The following CERT1 variants were observed in gnomAD, a reference collection of about 807,000 sequenced individuals.
CERT1 encodes ceramide transporter 1.
A neutral mutation model predicts 87.9 loss-of-function variants in CERT1; 31 were observed. That is an observed-to-expected ratio of 0.35 (90% CI 0.27 to 0.48). The LOEUF (loss-of-function observed/expected upper bound fraction) is 0.48, where lower values mean the gene tolerates loss of function less well. Ranked by LOEUF, CERT1 falls within the 20% of genes least tolerant of loss-of-function variation. CERT1 has a pLI of 0.99. For missense variants in CERT1, 487 were observed against 758.0 expected (o/e 0.64, Z 4.20); for synonymous variants, 289 against 250.9 (o/e 1.15, Z -1.44).
chr5:75,429,200 T>TAATAATA (rs35257866), intron 3 of CERT1, among the ~76,000 whole-genome samples: 69 of 127,168 alleles, frequency 5.4e-4, no homozygotes, highest in African/African-American at 1.9e-3. Flanking sequence ...TAATAATAAT[T>TAATAATA]ATTATTATTA....
chr5:75,370,312 C>A (rs1761035548), intron 17 of CERT1: 1 of 152,162 alleles, frequency 6.6e-6, no homozygotes, highest in African/African-American at 2.4e-5. Context: ...CCACACTTCC[C>A]ATTTCATGGT....
At chr5:75,394,170 G>C (rs1022989975) in intron 11 of CERT1, among the ~76,000 whole-genome samples, 1 of 152,130 alleles carries the variant, frequency 6.6e-6, no homozygotes, top group Non-Finnish European at 1.5e-5. Context: ...AAACTGGCCT[G>C]GGAATGTAAG....
At chr5:75,402,263 G>A (rs1241200279) in intron 9 of CERT1, 1 of 152,114 alleles carries the variant, frequency 6.6e-6, no homozygotes, top group Non-Finnish European at 1.5e-5. Context: ...AAAACCTTAA[G>A]TTTTTGGTCA....
chr5:75,420,413 G>A (rs1365847549), intron 5 of CERT1, among the ~76,000 whole-genome samples: 71 of 148,244 alleles, frequency 4.8e-4, no homozygotes, highest in African/African-American at 1.7e-3. Flanking sequence ...GCGCGATCTC[G>A]GCTCACTGCA....
upstream of CERT1, chr5:75,511,850 GA>G: frequency 6.5e-7 from 1 of 1,544,278 alleles, no homozygotes; most frequent in South Asian, 1.2e-5. Context: ...TGCATTCTGG[GA>G]AGGGCGTTGG....
At chr5:75,462,208 C>G (rs1041716057) in intron 2 of CERT1, among the ~76,000 whole-genome samples, 1 of 152,042 alleles carries the variant, frequency 6.6e-6, no homozygotes, top group African/African-American at 2.4e-5. Flanking sequence ...AGATGGAAAA[C>G]ATTGAGAGGT....
chr5:75,379,646 C>T lies in CERT1; in HGVS notation c.1748-173G>A, dbSNP rs534563193. On this transcript the variant is annotated intron_variant, in intron 16 of 16. Transcript: ENST00000643780. ...CTGTTGCCAGGGTGCAGTGCAGTGG[C>T]GCGATCTTGGCTCACTGCAACTTCC... 5.6e-4 allele frequency among the ~76,000 whole-genome samples: 85 copies of T among 152,028 alleles called. 1 individual carries two copies. Among genetic ancestry groups the T allele is most frequent in the Non-Finnish European group, 7.7e-4 (52 of 67,972 alleles).
intron 1 of CERT1, among the ~76,000 whole-genome samples, chr5:75,507,064 A>G (rs1182489378): frequency 1.3e-5 from 2 of 152,176 alleles, no homozygotes; most frequent in Admixed American, 1.3e-4. Flanking sequence ...ATCCACTGAG[A>G]AATCTTTTAT....
chr5:75,470,430 C>G (rs1171698766), intron 2 of CERT1, among the ~76,000 whole-genome samples: 1 of 152,114 alleles, frequency 6.6e-6, no homozygotes, highest in Non-Finnish European at 1.5e-5. Flanking sequence ...AATTAAACAT[C>G]ATGATCAAGT....
chr5:75,435,380 T>C (rs770468601), intron 3 of CERT1, among the ~76,000 whole-genome samples: 8 of 152,240 alleles, frequency 5.3e-5, no homozygotes, highest in Non-Finnish European at 1.2e-4. Flanking sequence ...CTCTTGTTTG[T>C]CAAGGAGCTG....
intron 3 of CERT1, among the ~76,000 whole-genome samples, chr5:75,451,175 G>A (rs1764755793): frequency 6.6e-6 from 1 of 152,074 alleles, no homozygotes; most frequent in Admixed American, 6.6e-5. Flanking sequence ...CTACATTGTG[G>A]TGTTTTAAAA....
chr5:75,478,985 C>T (rs928599092), intron 2 of CERT1, among the ~76,000 whole-genome samples: 11 of 138,524 alleles, frequency 7.9e-5, no homozygotes, highest in African/African-American at 2.9e-4. Context: ...CTCGAAGGTG[C>T]TTCTATTAGC....
At chr5:75,374,752 TC>T, downstream of CERT1, 1 of 563,062 alleles carries the variant, frequency 1.8e-6, no homozygotes, top group South Asian at 1.4e-5. Flanking sequence ...ATCGAACACC[TC>T]CACCCCAATT....
At chr5:75,401,327 T>C (rs1762463879) in intron 9 of CERT1, 1 of 152,206 alleles carries the variant, frequency 6.6e-6, no homozygotes, top group Non-Finnish European at 1.5e-5. Flanking sequence ...CATACTGATA[T>C]TCAGTAGAGT....
chr5:75,457,532 T>A (rs1235585492), intron 3 of CERT1, among the ~76,000 whole-genome samples: 1 of 152,044 alleles, frequency 6.6e-6, no homozygotes, highest in African/African-American at 2.4e-5. Flanking sequence ...GAAGTAACAT[T>A]ACCAAGATAA....
intron 8 of CERT1, among the ~76,000 whole-genome samples, chr5:75,405,548 C>G (rs1315393453): frequency 6.6e-6 from 1 of 152,136 alleles, no homozygotes. Context: ...TATCTCCACA[C>G]GTATCTGCAG....
At chr5:75,385,348 C>T (rs1180095628) in intron 13 of CERT1, among the ~76,000 whole-genome samples, 1 of 152,150 alleles carries the variant, frequency 6.6e-6, no homozygotes, top group African/African-American at 2.4e-5. Flanking sequence ...TGGTGTGCGC[C>T]TGTAATCCCA....
chr5:75,482,055 A>T (rs1766271069), intron 2 of CERT1, among the ~76,000 whole-genome samples: 1 of 152,184 alleles, frequency 6.6e-6, no homozygotes, highest in Non-Finnish European at 1.5e-5. Context: ...AATGACCTTA[A>T]CTTAGCTTCT....
chr5:75,490,625 A>C (rs1342690635), intron 2 of CERT1, among the ~76,000 whole-genome samples: 2 of 151,842 alleles, frequency 1.3e-5, no homozygotes, highest in African/African-American at 4.8e-5. Flanking sequence ...CAGCCTCCCG[A>C]GTAGCTGGGA....
Sources: gnomAD v4.1 joint callset for allele counts (sites outside exome capture counted in the v4.1 genomes callset) on GRCh38, gnomAD v4.1.1 for gene constraint, MANE v1.5 for transcripts, NCBI Gene and HGNC (gene_info 2026-07-23, HGNC 2026-07-21) for gene names.